The following SCAF1 variants were observed in gnomAD, a reference collection of about 807,000 sequenced individuals.
SCAF1 encodes splicing factor, arginine/serine-rich 19.
Under a neutral mutation model 91.2 loss-of-function variants are expected in SCAF1, and 28 were observed. The ratio of observed to expected loss-of-function variants is 0.31; its 90% CI spans 0.23 to 0.42. The LOEUF (loss-of-function observed/expected upper bound fraction) is 0.42. Among genes scored for constraint, SCAF1 ranks in the 10% least tolerant of loss-of-function variants. SCAF1 has a pLI of 1.00. For synonymous variants in SCAF1, 1,036 were observed against 833.7 expected, an observed-to-expected ratio of 1.24 and a Z score of -4.18; for missense variants, 1,893 against 1,872.1, an observed-to-expected ratio of 1.01 and a Z score of -0.21.
chr19:49,649,544 G>A (rs2081073889), intron 6 of SCAF1, among the ~76,000 whole-genome samples: 1 of 152,190 alleles, frequency 6.6e-6, no homozygotes, highest in Admixed American at 6.5e-5. Flanking sequence ...TGCCCAGGTT[G>A]GAGTGCAGTG....
At chr19:49,647,539 G>C (rs2081062659) in intron 6 of SCAF1, among the ~76,000 whole-genome samples, 1 of 152,164 alleles carries the variant, frequency 6.6e-6, no homozygotes, top group Non-Finnish European at 1.5e-5. Context: ...GGAGGGGTTG[G>C]AGGGAGAGGA....
At chr19:49,657,544 G>A (rs553879631) in intron 9 of SCAF1, among the ~76,000 whole-genome samples, 5 of 152,350 alleles carry the variant, frequency 3.3e-5, no homozygotes, top group Admixed American at 6.5e-5. Context: ...CGGCCTGGAG[G>A]AGATGTTCAG....
At chr19:49,641,910 C>G (rs552833063), upstream of SCAF1, among the ~76,000 whole-genome samples, 1 of 152,250 alleles carries the variant, frequency 6.6e-6, no homozygotes, top group Non-Finnish European at 1.5e-5. Flanking sequence ...CCTTTCCGCG[C>G]GCGCGCAGGG....
rs774808072 is a variant in SCAF1 at position 49,652,494 on chromosome 19, A to G, written c.2105A>G (p.Lys702Arg). The G allele has an allele frequency of 6.3e-7, 1 of 1,590,948 alleles. No homozygotes were observed. Among genetic ancestry groups the G allele is most frequent in the South Asian group, 1.1e-5 (1 of 88,046 alleles). The change falls in exon 7 of 11, where the codon AAG becomes AGG. Residue 702 changes from lysine (K) to arginine (R), a missense_variant. Lys to Arg is a conservative substitution (Grantham distance 26). Coordinates refer to ENST00000360565, the MANE Select transcript of SCAF1 (RefSeq NM_021228.3). ...DLTDHDLFAI[K>R]RTITVGRLDK... ...ACGGACCACGACCTCTTCGCCATCA[A>G]GCGGACCATCACGGTGGGCCGGCTT... is the stretch of plus-strand genomic sequence containing the variant.
intron 6 of SCAF1, among the ~76,000 whole-genome samples, chr19:49,647,305 G>A (rs1424069979): frequency 1.3e-5 from 2 of 152,190 alleles, no homozygotes; most frequent in Non-Finnish European, 1.5e-5. Context: ...CACACACAAC[G>A]GTAACCCTGT....
At chr19:49,641,531 G>A (rs1302078880), upstream of SCAF1, among the ~76,000 whole-genome samples, 1 of 152,150 alleles carries the variant, frequency 6.6e-6, no homozygotes, top group Non-Finnish European at 1.5e-5. Flanking sequence ...TGGTCAGGCT[G>A]GTCTTGAACT....
intron 6 of SCAF1, 24 bp from the exon 7 acceptor site, chr19:49,650,844 C>T: frequency 6.3e-7 from 1 of 1,585,608 alleles, no homozygotes; most frequent in Non-Finnish European, 8.6e-7. Context: ...CCCTGACCGC[C>T]TCTCTCTCCC....
In SCAF1 at chr19:49,651,297, G is replaced by A. The variant is rs2081086484; in HGVS notation, c.908G>A (p.Gly303Asp). 1 of 1,610,950 alleles carries A rather than the reference G, an allele frequency of 6.2e-7. No homozygotes were observed. The highest frequency in any genetic ancestry group is 8.5e-7 in the Non-Finnish European group (1 of 1,179,774). ...AGCCGCATCTCGGAGACCCTGGCGG[G>A]CATCTACGATGACAACAGCCTGAGC... ...SISRISETLAGIYDDNSLSQD... is the reference protein window; with the variant it reads ...SISRISETLADIYDDNSLSQD... The change falls in exon 7 of 11, where the codon GGC (glycine) becomes GAC (aspartate). Residue 303 changes from glycine (G) to aspartate (D), a missense_variant. Coordinates refer to ENST00000360565, the MANE Select transcript of SCAF1 (RefSeq NM_021228.3).
chr19:49,651,370 A>G lies in SCAF1; in HGVS notation c.981A>G (p.Thr327=). 1.2e-6 allele frequency: 2 copies of G among 1,607,594 alleles called. No homozygotes were observed. Among genetic ancestry groups the G allele is most frequent in the South Asian group, 2.2e-5 (2 of 90,990 alleles). The change falls in exon 7 of 11, where the codon ACA becomes ACG. Residue 327 remains threonine, a synonymous_variant. Coordinates refer to ENST00000360565, the MANE Select transcript of SCAF1 (RefSeq NM_021228.3). ...DESPRPDAQP[T]QPTPAPGTPP... ...GCCCCCGCCCGGACGCGCAGCCCAC[A>G]CAGCCGACTCCCGCCCCTGGAACGC...
intron 7 of SCAF1, 125 bp from the exon 8 acceptor site, chr19:49,654,224 G>C: frequency 1.3e-6 from 1 of 762,470 alleles, no homozygotes; most frequent in Non-Finnish European, 2.2e-6. Context: ...AGTTCTGAGC[G>C]TGAGGCTTTG....
In SCAF1 at chr19:49,653,262, G is replaced by T; in HGVS notation, c.2873G>T (p.Gly958Val). The T allele has an allele frequency of 6.7e-7, 1 of 1,482,442 alleles. No individual in the cohort carries two copies. The highest frequency in any genetic ancestry group is 2.4e-5 in the East Asian group (1 of 41,448). The allele number at this position is 1,482,442 out of a possible 1,614,324, so 91.8% of individuals were successfully genotyped here. A position where few individuals can be genotyped will look rare whatever the true frequency, so the allele number is the denominator to read the frequency against. ...TGCAGCCAGGCGGCAGGCACCAAGG[G>T]GGCGGAGGAGACTTCCTGGTCCGGG... ...DSCSQAAGTK[G>V]AEETSWSGEE... Residue 958 changes from glycine (G) to valine (V), a missense_variant, in exon 7 of 11, where the codon GGG becomes GTG. Physicochemically the swap from Gly to Val is moderately radical, Grantham distance 109 (BLOSUM62 -3). Around this residue, in one of 5 missense-constraint regions of SCAF1, gnomAD observed 1,436 missense variants for 1,306.8 expected, o/e 1.10. Transcript: ENST00000360565.
chr19:49,644,518 G>C (rs570430003), intron 1 of SCAF1, among the ~76,000 whole-genome samples: 1 of 152,324 alleles, frequency 6.6e-6, no homozygotes, highest in African/African-American at 2.4e-5. Flanking sequence ...GAGGACAGTT[G>C]ATGCTCTAGG....
At position 49,653,283 on chromosome 19, in the gene SCAF1, C is replaced by T. The variant is rs768200897; in HGVS notation, c.2894C>T (p.Ser965Phe). 4.1e-6 allele frequency: 6 copies of T among 1,472,098 alleles called. No homozygotes were observed. The South Asian group carries it at 7.1e-5, about 17-fold the overall frequency. 91.2% of individuals were successfully genotyped at this position (1,472,098 alleles called of 1,614,324 possible). A position where few individuals can be genotyped will look rare whatever the true frequency, so the allele number is the denominator to read the frequency against. The change falls in exon 7 of 11, where the codon TCC (serine) becomes TTC (phenylalanine). Residue 965 changes from serine to phenylalanine, a missense_variant. Physicochemically the swap from Ser to Phe is radical, Grantham distance 155. This residue lies in a region of SCAF1 where 1,436 missense variants were observed against 1,306.8 expected (regional missense o/e 1.10). Transcript: ENST00000360565. ...AAGGGGGCGGAGGAGACTTCCTGGT[C>T]CGGGGAGGAGCGGGCAGCCAAGGTT... ...GTKGAEETSW[S>F]GEERAAKVPS...
Position 49,658,339 on chromosome 19 carries a change from G to A in SCAF1, c.3879G>A (p.Pro1293=), listed in dbSNP as rs751646870. The A allele has an allele frequency of 1.2e-5, 19 of 1,580,724 alleles. No homozygotes were observed. Among genetic ancestry groups the A allele is most frequent in the Middle Eastern group, 3.5e-4 (2 of 5,740 alleles). ...GGGACCCCCCAGGGCCCCCACGGCCGCCCAAGGAGCCAGGGCCCCCAGACA... is the reference window on the plus strand; with the variant it reads ...GGGACCCCCCAGGGCCCCCACGGCCACCCAAGGAGCCAGGGCCCCCAGACA... The part of the protein sequence containing the change: ...KPGDPPGPPR[P]PKEPGPPDKG... Residue 1293 remains proline (P), a synonymous_variant, in exon 11 of 11, where the codon CCG becomes CCA. Coordinates refer to ENST00000360565, the MANE Select transcript of SCAF1 (RefSeq NM_021228.3).
At chr19:49,653,748 C>T (rs777768613) in intron 7 of SCAF1, 43 bp downstream of exon 7, 1 of 1,464,218 alleles carries the variant, frequency 6.8e-7, no homozygotes, top group Non-Finnish European at 9.0e-7. Context: ...GCAGGTGAGA[C>T]AGGATGGGGA....
Position 49,651,294 on chromosome 19 carries a change from C to T in SCAF1, c.905C>T (p.Ala302Val). The T allele has an allele frequency of 6.2e-7, 1 of 1,610,982 alleles. No homozygotes were observed. The highest frequency in any genetic ancestry group is 8.5e-7 in the Non-Finnish European group (1 of 1,179,742). ...QSISRISETLAGIYDDNSLSQ... is the reference protein window; with the variant it reads ...QSISRISETLVGIYDDNSLSQ... ...ATCAGCCGCATCTCGGAGACCCTGG[C>T]GGGCATCTACGATGACAACAGCCTG... Residue 302 changes from alanine to valine, a missense_variant, in exon 7 of 11, where the codon GCG becomes GTG. By Grantham distance (64) the Ala-to-Val change is moderately conservative. This residue lies in a region of SCAF1 where 80 missense variants were observed against 116.6 expected (regional missense o/e 0.69). Transcript: ENST00000360565.
At position 49,653,195 on chromosome 19, in the gene SCAF1, AGTG is replaced by A. The variant is rs757135343; in HGVS notation, c.2811_2813del (p.Gly938del). The stretch of plus-strand genomic sequence containing the variant: ...CCGCAGTGGAGGTGGCAGCGGGGGC[AGTG>A]GTGGCCAGGTGTCGCTGAAGAAGTC... On this transcript the variant is annotated inframe_deletion, in exon 7 of 11. Coordinates refer to ENST00000360565, the MANE Select transcript of SCAF1 (RefSeq NM_021228.3). 129 of 1,555,798 alleles carry A rather than the reference AGTG, an allele frequency of 8.3e-5. No individual in the cohort carries two copies. Among genetic ancestry groups the A allele is most frequent in the Middle Eastern group, 3.4e-4 (2 of 5,870 alleles).
At position 49,654,730 on chromosome 19, in the gene SCAF1, G is replaced by T. The variant is rs1406226183; in HGVS notation, c.3478G>T (p.Gly1160Cys). ...GCCCACCTCTTTGGGTCTGCCCCCT[G>T]GCCCCTCCAGCTACCTGCTTCCTGG... ...PVPTSLGLPP[G>C]PSSYLLPGSL... Residue 1160 changes from glycine (G) to cysteine (C), a missense_variant, in exon 9 of 11, where the codon GGC (glycine) becomes TGC (cysteine). Coordinates refer to ENST00000360565, the MANE Select transcript of SCAF1 (RefSeq NM_021228.3). 1.2e-6 allele frequency: 2 copies of T among 1,614,024 alleles called. No individual in the cohort carries two copies. The highest frequency in any genetic ancestry group is 1.7e-6 in the Non-Finnish European group (2 of 1,179,966).
chr19:49,653,424 C>G lies in SCAF1; in HGVS notation c.3035C>G (p.Thr1012Ser). Residue 1012 changes from threonine (T) to serine (S), a missense_variant, in exon 7 of 11, where the codon ACT (threonine) becomes AGT (serine). Physicochemically the swap from Thr to Ser is moderately conservative, Grantham distance 58. Around this residue, in one of 5 missense-constraint regions of SCAF1, gnomAD observed 1,436 missense variants for 1,306.8 expected, o/e 1.10. Transcript: ENST00000360565. ...PEVSFLPEEATEEAGVRGGAE... is the reference protein window; with the variant it reads ...PEVSFLPEEASEEAGVRGGAE... ...GTCTCCTTCCTGCCCGAGGAGGCCA[C>G]TGAGGAGGCTGGGGTCCGAGGTGGG... 6 of 1,549,364 alleles carry G rather than the reference C, an allele frequency of 3.9e-6. No homozygotes were observed. Among genetic ancestry groups the G allele is most frequent in the Non-Finnish European group, 5.2e-6 (6 of 1,146,838 alleles).
Sources: allele counts gnomAD v4.1 joint callset (sites outside exome capture counted in the v4.1 genomes callset), GRCh38; gene constraint gnomAD v4.1.1; regional missense constraint gnomAD v4.1.1; transcripts MANE v1.5; gene names NCBI Gene and HGNC (gene_info 2026-07-23, HGNC 2026-07-21).